The following NKAIN3 variants were observed in gnomAD, a reference collection of about 807,000 sequenced individuals.
NKAIN3 encodes the protein sodium/potassium-transporting ATPase subunit beta-1-interacting protein 3.
A neutral mutation model predicts 30.2 loss-of-function variants in NKAIN3; 25 were observed. That is an observed-to-expected ratio of 0.83 (90% CI 0.60 to 1.16). NKAIN3 has a LOEUF of 1.16. NKAIN3 is among the 50% of genes most tolerant of loss of function. The pLI is 0.00. For missense variants in NKAIN3, 225 were observed against 254.1 expected, an observed-to-expected ratio of 0.89 and a Z score of 0.78; for synonymous variants, 91 against 89.6, an observed-to-expected ratio of 1.02 and a Z score of -0.09.
intron 4 of NKAIN3, among the ~76,000 whole-genome samples, chr8:62,782,093 A>T (rs565580709): frequency 1.3e-5 from 2 of 152,140 alleles, no homozygotes; most frequent in Admixed American, 1.3e-4. Flanking sequence ...AAAAATTCTC[A>T]TTAAAAAATG....
At chr8:62,496,120 T>C (rs559126764) in intron 1 of NKAIN3, among the ~76,000 whole-genome samples, 5 of 152,304 alleles carry the variant, frequency 3.3e-5, no homozygotes, top group African/African-American at 9.6e-5. Context: ...TTTAATGATG[T>C]GCATCATGGC....
chr8:62,516,455 G>A (rs1355754251), intron 1 of NKAIN3, among the ~76,000 whole-genome samples: 1 of 152,004 alleles, frequency 6.6e-6, no homozygotes, highest in Non-Finnish European at 1.5e-5. Flanking sequence ...ATATGGTAAA[G>A]CAAAATCCTT....
chr8:62,281,418 C>G (rs1374537840), intron 1 of NKAIN3, among the ~76,000 whole-genome samples: 5 of 152,096 alleles, frequency 3.3e-5, no homozygotes, highest in African/African-American at 4.8e-5. Flanking sequence ...CTTCTGCTAA[C>G]TTTTGAATGT....
intron 4 of NKAIN3, among the ~76,000 whole-genome samples, chr8:62,748,669 A>G (rs1228986235): frequency 6.6e-6 from 1 of 152,218 alleles, no homozygotes; most frequent in Non-Finnish European, 1.5e-5. Context: ...ATCTTCTAGA[A>G]AGACTAAAGA....
chr8:62,627,681 A>G (rs1395989419), intron 3 of NKAIN3, among the ~76,000 whole-genome samples: 1 of 151,960 alleles, frequency 6.6e-6, no homozygotes, highest in Non-Finnish European at 1.5e-5. Flanking sequence ...AAGCTTAAAA[A>G]TCTCCTTTTC....
In NKAIN3 at chr8:62,972,787, T is replaced by A. The variant is rs1335458897; in HGVS notation, c.*7380T>A. On this transcript the variant is annotated 3_prime_UTR_variant, in exon 7 of 7. Coordinates refer to ENST00000623646, the MANE Select transcript of NKAIN3 (RefSeq NM_001304533.3). Reference sequence around the variant, plus strand: ...GTTTGCTGCACCCATCAATTCATCATCTACATTAGGTATATCTCCTAATGT... The same window carrying A: ...GTTTGCTGCACCCATCAATTCATCAACTACATTAGGTATATCTCCTAATGT... Among the ~76,000 whole-genome samples, 1 of 152,186 alleles carries A rather than the reference T, an allele frequency of 6.6e-6. No individual in the cohort carries two copies. Among genetic ancestry groups the A allele is most frequent in the Non-Finnish European group, 1.5e-5 (1 of 68,028 alleles).
intron 1 of NKAIN3, among the ~76,000 whole-genome samples, chr8:62,531,476 A>T (rs1319837519): frequency 6.6e-6 from 1 of 152,142 alleles, no homozygotes; most frequent in African/African-American, 2.4e-5. Flanking sequence ...CCGTGCCTGT[A>T]TTCTCAGTAG....
rs1268704981 is a variant in NKAIN3, at chr8:62,981,383, A to T, written c.*15976A>T. ...CTCGTTTTCTTTTAAAGACATAGAT[A>T]TTCCATTTTAATCCTGTATAACTCA... is the stretch of plus-strand genomic sequence containing the variant. On this transcript the variant is annotated 3_prime_UTR_variant, in exon 7 of 7. Transcript: ENST00000623646. The T allele has an allele frequency of 1.3e-5, 2 of 152,210 alleles. No individual in the cohort carries two copies. Among genetic ancestry groups the T allele is most frequent in the East Asian group, 3.8e-4 (2 of 5,196 alleles). The allele number at this position is 152,210 out of a possible 1,614,324, so 9.4% of individuals were successfully genotyped here.
chr8:62,866,134 T>C (rs1211659223), intron 4 of NKAIN3, among the ~76,000 whole-genome samples: 1 of 152,222 alleles, frequency 6.6e-6, no homozygotes, highest in South Asian at 2.1e-4. Context: ...TTTAAAAATG[T>C]AAAGGCTTAG....
At chr8:62,433,396 A>G (rs1034700405) in intron 1 of NKAIN3, among the ~76,000 whole-genome samples, 2 of 152,302 alleles carry the variant, frequency 1.3e-5, no homozygotes, top group South Asian at 4.1e-4. Flanking sequence ...TATTAGTAAA[A>G]TAAAAATACA....
chr8:62,827,874 T>A (rs908778014), intron 4 of NKAIN3, among the ~76,000 whole-genome samples: 11 of 152,172 alleles, frequency 7.2e-5, no homozygotes, highest in African/African-American at 2.7e-4. Flanking sequence ...ATTTATGAGC[T>A]ACACCAAGGT....
intron 1 of NKAIN3, among the ~76,000 whole-genome samples, chr8:62,306,861 A>G (rs562852837): frequency 6.8e-5 from 10 of 148,124 alleles, no homozygotes; most frequent in Middle Eastern, 3.4e-3. Context: ...GTGCTCACCA[A>G]GAAAAATTAA....
Position 62,965,653 on chromosome 8 carries a change from G to C in NKAIN3, c.*246G>C. On this transcript the variant is annotated 3_prime_UTR_variant, in exon 7 of 7. Transcript: ENST00000623646. Reference sequence around the variant, plus strand: ...AAAAAAAAAGAAAAAACAGAATTTGGTTTTAAATTTTTAACAATATTTAAT... The same window carrying C: ...AAAAAAAAAGAAAAAACAGAATTTGCTTTTAAATTTTTAACAATATTTAAT... 2.1e-6 allele frequency: 2 copies of C among 969,492 alleles called. No individual in the cohort carries two copies. The highest frequency in any genetic ancestry group is 2.5e-6 in the Non-Finnish European group (2 of 816,050). 60.1% of individuals were successfully genotyped at this position (969,492 alleles called of 1,614,324 possible).
chr8:62,582,990 T>C (rs1810354133), intron 2 of NKAIN3, among the ~76,000 whole-genome samples: 1 of 152,172 alleles, frequency 6.6e-6, no homozygotes. Flanking sequence ...TGTCCCGGTC[T>C]AGCAATATTT....
At chr8:62,441,958 T>C (rs1202496792) in intron 1 of NKAIN3, among the ~76,000 whole-genome samples, 1 of 151,986 alleles carries the variant, frequency 6.6e-6, no homozygotes, top group Non-Finnish European at 1.5e-5. Flanking sequence ...TTCATCCCCC[T>C]TTTTTTGCAT....
intron 1 of NKAIN3, among the ~76,000 whole-genome samples, chr8:62,486,220 C>T (rs540050082): frequency 2.6e-5 from 4 of 152,114 alleles, no homozygotes; most frequent in African/African-American, 7.2e-5. Flanking sequence ...AGTGGAGAAT[C>T]GGTTGAGACA....
chr8:62,867,308 A>G (rs947816857), intron 4 of NKAIN3, among the ~76,000 whole-genome samples: 23 of 152,190 alleles, frequency 1.5e-4, no homozygotes, highest in African/African-American at 5.3e-4. Context: ...TTCTTTACGA[A>G]TTGAAAAATG....
intron 4 of NKAIN3, among the ~76,000 whole-genome samples, chr8:62,756,917 T>C (rs1478504981): frequency 1.3e-5 from 2 of 152,202 alleles, no homozygotes; most frequent in East Asian, 3.9e-4. Flanking sequence ...GACATGTTTG[T>C]GCATCTTCAT....
chr8:62,260,798 A>G (rs1812415339), intron 1 of NKAIN3, among the ~76,000 whole-genome samples: 1 of 152,184 alleles, frequency 6.6e-6, no homozygotes, highest in African/African-American at 2.4e-5. Flanking sequence ...TATTAAAAAC[A>G]AAAGTATACA....
Sources: gnomAD v4.1 joint callset for allele counts (sites outside exome capture counted in the v4.1 genomes callset) on GRCh38, gnomAD v4.1.1 for gene constraint, MANE v1.5 for transcripts, NCBI Gene and HGNC (gene_info 2026-07-23, HGNC 2026-07-21) for gene names.